The following IARS1 variants were observed in gnomAD, a reference collection of about 807,000 sequenced individuals.
The protein encoded by IARS1 is isoleucyl-tRNA synthetase 1.
In IARS1, 124 loss-of-function variants were observed where a neutral mutation model predicts 168.2. That is an observed-to-expected ratio of 0.74 (90% CI 0.64 to 0.86). The LOEUF (loss-of-function observed/expected upper bound fraction) is 0.86, where lower values mean the gene tolerates loss of function less well. Ranked by LOEUF, IARS1 falls within the 40% of genes least tolerant of loss-of-function variation. The pLI, the probability that IARS1 is intolerant of heterozygous loss-of-function variation, is 0.00. For synonymous variants in IARS1, 532 were observed against 529.4 expected, an observed-to-expected ratio of 1.00 and a Z score of -0.07; for missense variants, 1,452 against 1,515.8, an observed-to-expected ratio of 0.96 and a Z score of 0.70.
chr9:92,257,894 T>C (rs140541843), intron 19 of IARS1, among the ~76,000 whole-genome samples: 228 of 152,212 alleles, frequency 1.5e-3, no homozygotes, highest in African/African-American at 5.0e-3. Flanking sequence ...TACAGGAACA[T>C]GTTCAATGAA....
At position 92,214,850 on chromosome 9, in the gene IARS1, C is replaced by T. The variant is rs571308863; in HGVS notation, c.3707-3961G>A. On this transcript the variant is annotated intron_variant, in intron 33 of 33. Transcript: ENST00000443024. ...GGCGGCAGCAAGGCTGGGGGAGGGG[C>T]GCCCGCCATTGCCCAGGCTTGCTTA... 1.3e-3 allele frequency among the ~76,000 whole-genome samples: 193 copies of T among 152,320 alleles called. 1 individual carries two copies. Among genetic ancestry groups the T allele is most frequent in the Admixed American group, 4.3e-3 (66 of 15,308 alleles).
At chr9:92,250,438 C>A in intron 23 of IARS1, 149 bp from the exon 24 acceptor site, 1 of 662,538 alleles carries the variant, frequency 1.5e-6, no homozygotes. Context: ...CAGCGCAGTG[C>A]CTACCACTCA....
At chr9:92,267,458 C>T (rs1048181588) in intron 14 of IARS1, among the ~76,000 whole-genome samples, 1 of 152,182 alleles carries the variant, frequency 6.6e-6, no homozygotes, top group African/African-American at 2.4e-5. Flanking sequence ...AGTAAGTCCT[C>T]GCCTGATGTC....
intron 14 of IARS1, among the ~76,000 whole-genome samples, chr9:92,267,275 T>G (rs1832417440): frequency 6.6e-6 from 1 of 152,202 alleles, no homozygotes; most frequent in South Asian, 2.1e-4. Context: ...ACTGGTGGCC[T>G]CTTTCTCTGC....
chr9:92,264,859 G>T, intron 16 of IARS1, 70 bp downstream of exon 16: 1 of 1,327,430 alleles, frequency 7.5e-7, no homozygotes, highest in Non-Finnish European at 1.0e-6. Context: ...AAATGGCAGT[G>T]ACTTAGTAAA....
rs760757224 is a variant in IARS1 at position 92,210,862 on chromosome 9, G to C, written c.3734C>G (p.Thr1245Ser). 1.2e-6 allele frequency: 2 copies of C among 1,609,426 alleles called. No homozygotes were observed. The highest frequency in any genetic ancestry group is 1.7e-5 in the Admixed American group (1 of 59,992). The change falls in exon 34 of 34, where the codon ACT becomes AGT. Residue 1245 changes from threonine to serine, a missense_variant. Thr to Ser is a moderately conservative substitution (Grantham distance 58). Transcript: ENST00000443024. The part of the protein sequence containing the change: ...QEITEDIPVK[T>S]LNMKTVYVSV... The stretch of plus-strand genomic sequence containing the variant: ...AACATACACAGTCTTCATATTCAAA[G>C]TCTTCACGGGGATGTCTTCTGTAAT...
intron 29 of IARS1, 90 bp downstream of exon 29, chr9:92,242,064 A>C: frequency 1.0e-6 from 1 of 964,414 alleles, no homozygotes; most frequent in South Asian, 1.5e-5. Context: ...GCCGATCTCT[A>C]CTGTGGGACA....
At chr9:92,244,267 C>T (rs1395718247) in intron 27 of IARS1, among the ~76,000 whole-genome samples, 1 of 152,172 alleles carries the variant, frequency 6.6e-6, no homozygotes, top group Non-Finnish European at 1.5e-5. Context: ...CGACTCCTTG[C>T]CACTGTCTTC....
chr9:92,277,607 C>T (rs911210732), intron 9 of IARS1, among the ~76,000 whole-genome samples: 1 of 150,872 alleles, frequency 6.6e-6, no homozygotes, highest in East Asian at 1.9e-4. Context: ...CCCAAGAGGT[C>T]GAGGTTGCAG....
At chr9:92,285,422 T>C (rs1293947530) in intron 6 of IARS1, among the ~76,000 whole-genome samples, 2 of 152,148 alleles carry the variant, frequency 1.3e-5, no homozygotes, top group African/African-American at 4.8e-5. Flanking sequence ...CTACAGGAAG[T>C]ATGTCAAAGC....
intron 6 of IARS1, among the ~76,000 whole-genome samples, chr9:92,283,233 T>C (rs1448695973): frequency 6.6e-6 from 1 of 152,200 alleles, no homozygotes; most frequent in African/African-American, 2.4e-5. Flanking sequence ...TTTCATACAG[T>C]GGGTGAGTTA....
In IARS1 at chr9:92,245,090, A is replaced by G. The variant is rs1370652113; in HGVS notation, c.2792-19T>C. ...ATGGTCCCTATGGAGAAGCAGCTAC[A>G]CTGTTAATCAGCTTCCCCTCCTCTT... On this transcript the variant is annotated intron_variant, in intron 26 of 33. Coordinates refer to ENST00000443024, the MANE Select transcript of IARS1 (RefSeq NM_002161.6). 1.3e-6 allele frequency: 2 copies of G among 1,596,820 alleles called. No homozygotes were observed. Among genetic ancestry groups the G allele is most frequent in the South Asian group, 2.2e-5 (2 of 90,744 alleles).
intron 31 of IARS1, among the ~76,000 whole-genome samples, chr9:92,226,659 G>A (rs1010709074): frequency 3.3e-5 from 5 of 152,070 alleles, no homozygotes; most frequent in African/African-American, 7.2e-5. Context: ...ACCTGTAGGC[G>A]AATTCTTTTT....
At chr9:92,270,373 A>G (rs1308142576) in intron 12 of IARS1, among the ~76,000 whole-genome samples, 1 of 152,172 alleles carries the variant, frequency 6.6e-6, no homozygotes, top group Non-Finnish European at 1.5e-5. Flanking sequence ...TTTTTCAATA[A>G]ACTCTATTAC....
At chr9:92,222,792 G>C in intron 32 of IARS1, 120 bp from the exon 33 acceptor site, 1 of 864,480 alleles carries the variant, frequency 1.2e-6, no homozygotes, top group African/African-American at 1.7e-5. Context: ...GTCCAGGAGC[G>C]TGAGTGTGAC....
chr9:92,214,703 G>A (rs1224775189), intron 33 of IARS1, among the ~76,000 whole-genome samples: 2 of 152,200 alleles, frequency 1.3e-5, no homozygotes, highest in Non-Finnish European at 2.9e-5. Flanking sequence ...CGAATACTGC[G>A]CTTTTCCGAT....
intron 30 of IARS1, among the ~76,000 whole-genome samples, chr9:92,238,577 T>C (rs1827904746): frequency 6.6e-6 from 1 of 152,204 alleles, no homozygotes; most frequent in Non-Finnish European, 1.5e-5. Flanking sequence ...CCTGCAGAGC[T>C]GTGAGCCAAA....
chr9:92,266,895 T>C (rs1832359959), intron 14 of IARS1, among the ~76,000 whole-genome samples: 1 of 152,240 alleles, frequency 6.6e-6, no homozygotes, highest in Admixed American at 6.5e-5. Context: ...CTTTTCTTTA[T>C]AAATTATCCA....
rs34737051 is a variant in IARS1 at position 92,242,195 on chromosome 9, C to T, written c.3136G>A (p.Val1046Ile). The T allele has an allele frequency of 6.6e-3, 10,651 of 1,614,020 alleles. 45 individuals carry two copies. Among genetic ancestry groups the T allele is most frequent in the Non-Finnish European group, 8.2e-3 (9,714 of 1,179,904 alleles). ...ATAAGGACTTTATCCGATGGAGAAACTGGATATGGTTTCAAGGGAGCCTTT... is the reference window on the plus strand; with the variant it reads ...ATAAGGACTTTATCCGATGGAGAAATTGGATATGGTTTCAAGGGAGCCTTT... Reference protein sequence around the residue: ...TIKAPLKPYPVSPSDKVLIQE... With the variant: ...TIKAPLKPYPISPSDKVLIQE... The change falls in exon 29 of 34, where the codon GTT becomes ATT. Residue 1046 changes from valine (V) to isoleucine (I), a missense_variant. Val to Ile is a conservative substitution (Grantham distance 29, BLOSUM62 3). Coordinates refer to ENST00000443024, the MANE Select transcript of IARS1 (RefSeq NM_002161.6).
Sources: gnomAD v4.1 joint callset for allele counts (sites outside exome capture counted in the v4.1 genomes callset) on GRCh38, gnomAD v4.1.1 for gene constraint, MANE v1.5 for transcripts, NCBI Gene and HGNC (gene_info 2026-07-23, HGNC 2026-07-21) for gene names.